CRIPT: variants seen among roughly 807,000 people sequenced by gnomAD.
CRIPT encodes the protein cysteine-rich PDZ-binding protein.
CRIPT carries 20 observed loss-of-function variants against 16.6 expected under a neutral mutation model. The observed-to-expected ratio is 1.20, with a 90% CI of 0.85 to 1.75. The LOEUF is 1.75. CRIPT is among the 40% of genes most tolerant of loss of function. The pLI, the probability that CRIPT is intolerant of heterozygous loss-of-function variation, is 0.00. For missense variants in CRIPT, 133 were observed against 115.3 expected (o/e 1.15, Z -0.70); for synonymous variants, 42 against 37.0 (o/e 1.14, Z -0.49).
In CRIPT at chr2:46,619,526, A is replaced by G. The variant is rs1001778339; in HGVS notation, c.83-101A>G. On this transcript the variant is annotated intron_variant, in intron 2 of 4. Coordinates refer to ENST00000238892, the MANE Select transcript of CRIPT (RefSeq NM_014171.6). The stretch of plus-strand genomic sequence containing the variant: ...TTAAATGAGGATTTAAAAATTAGAT[A>G]TAGACTACTATTTTGGTAGAAAGTC... The G allele has an allele frequency of 1.2e-5, 8 of 673,848 alleles. No individual in the cohort carries two copies. In the African/African-American group the frequency reaches 1.5e-4, roughly 13 times the overall value. 41.7% of individuals were successfully genotyped at this position (673,848 alleles called of 1,614,324 possible).
Position 46,624,796 on chromosome 2 carries a change from G to A in CRIPT, c.*569G>A, listed in dbSNP as rs1670894213. On this transcript the variant is annotated 3_prime_UTR_variant, in exon 5 of 5. Coordinates refer to ENST00000238892, the MANE Select transcript of CRIPT (RefSeq NM_014171.6). The stretch of plus-strand genomic sequence containing the variant: ...ATTTGTTCTTGCAGCCAAAGTGCCA[G>A]TTTCTTTAATATGTGACCAAGAACA... The A allele has an allele frequency of 6.6e-6, 1 of 152,164 alleles. No homozygotes were observed. The highest frequency in any genetic ancestry group is 2.4e-5 in the African/African-American group (1 of 41,438). The allele number at this position is 152,164 out of a possible 1,614,324, so 9.4% of individuals were successfully genotyped here.
chr2:46,619,569 A>G, intron 2 of CRIPT, 58 bp from the exon 3 acceptor site: 2 of 1,198,910 alleles, frequency 1.7e-6, no homozygotes, highest in South Asian at 2.9e-5. Flanking sequence ...GAACTTCTTA[A>G]TATTATATGT....
chr2:46,619,090 AT>A (rs1670742149), intron 2 of CRIPT, among the ~76,000 whole-genome samples: 1 of 152,170 alleles, frequency 6.6e-6, no homozygotes, highest in Non-Finnish European at 1.5e-5. Context: ...ACAGTATTTG[AT>A]TATCAGAGTA....
chr2:46,617,896 C>A (rs1326530464), intron 1 of CRIPT, among the ~76,000 whole-genome samples: 1 of 151,882 alleles, frequency 6.6e-6, no homozygotes, highest in Non-Finnish European at 1.5e-5. Context: ...ACACTAAGGC[C>A]CCAACTTATT....
chr2:46,623,721 C>G (rs771586131), intron 3 of CRIPT, 43 bp from the exon 4 acceptor site: 3 of 1,082,022 alleles, frequency 2.8e-6, no homozygotes, highest in Non-Finnish European at 1.4e-6. Context: ...AAGAGTGTTT[C>G]TAGTGTAATA....
chr2:46,617,382 T>G (rs1670687410), intron 1 of CRIPT, 84 bp downstream of exon 1: 1 of 1,455,294 alleles, frequency 6.9e-7, no homozygotes. Context: ...TTCTCGTTGT[T>G]TTTTCTTCGC....
rs1382954383 is a variant in CRIPT, at chr2:46,630,022, G to C, written c.*5795G>C. On this transcript the variant is annotated 3_prime_UTR_variant, in exon 5 of 5. Coordinates refer to ENST00000238892, the MANE Select transcript of CRIPT (RefSeq NM_014171.6). ...TCCCTTTATCATCAACTTCGAGTAA[G>C]TACTTTTTTCTGAGCCATTTGAATA... Among the ~76,000 whole-genome samples, 1 of 152,006 alleles carries C rather than the reference G, an allele frequency of 6.6e-6. No homozygotes were observed. The highest frequency in any genetic ancestry group is 1.5e-5 in the Non-Finnish European group (1 of 68,014).
Position 46,618,839 on chromosome 2 carries a change from G to A in CRIPT, c.82+1G>A. 1 of 1,580,702 alleles carries A rather than the reference G, an allele frequency of 6.3e-7. No homozygotes were observed. The highest frequency in any genetic ancestry group is 8.6e-7 in the Non-Finnish European group (1 of 1,156,898). Reference sequence around the variant, plus strand: ...AAAGATGGTGCTAGGAATACCACAGGTATTTCTTCTTTTAGAAAATAGGAA... The same window carrying A: ...AAAGATGGTGCTAGGAATACCACAGATATTTCTTCTTTTAGAAAATAGGAA... On this transcript the variant is annotated splice_donor_variant, in intron 2 of 4. Coordinates refer to ENST00000238892, the MANE Select transcript of CRIPT (RefSeq NM_014171.6). LOFTEE classifies it high-confidence loss of function.
At chr2:46,623,951 T>G (rs1012827054) in intron 4 of CRIPT, 84 bp downstream of exon 4, 3 of 951,538 alleles carry the variant, frequency 3.2e-6, no homozygotes, top group Non-Finnish European at 4.7e-6. Context: ...ATGTAGCCTG[T>G]CATAAATTCT....
Position 46,618,810 on chromosome 2 carries a change from A to G in CRIPT, c.54A>G (p.Thr18=), listed in dbSNP as rs1440840488. 2.5e-6 allele frequency: 4 copies of G among 1,607,498 alleles called. No homozygotes were observed. The highest frequency in any genetic ancestry group is 1.7e-6 in the Non-Finnish European group (2 of 1,176,018). Residue 18 remains threonine (T), a synonymous_variant, in exon 2 of 5, where the codon ACA becomes ACG. Coordinates refer to ENST00000238892, the MANE Select transcript of CRIPT (RefSeq NM_014171.6). Reference sequence around the variant, plus strand: ...TTGGTACTGTTATCACTCCAGATACATGGAAAGATGGTGCTAGGAATACCA... The same window carrying G: ...TTGGTACTGTTATCACTCCAGATACGTGGAAAGATGGTGCTAGGAATACCA... ...KKLGTVITPD[T]WKDGARNTTE...
Position 46,625,674 on chromosome 2 carries a change from GTTAT to G in CRIPT, c.*1453_*1456del, listed in dbSNP as rs1384147907. Reference sequence around the variant, plus strand: ...AAAATGTGTTTTTCTGAGATACATTGTTATTTATTCATATCCAGAAAAATTACAA... The same window carrying G: ...AAAATGTGTTTTTCTGAGATACATTGTTATTCATATCCAGAAAAATTACAA... On this transcript the variant is annotated 3_prime_UTR_variant, in exon 5 of 5. Coordinates refer to ENST00000238892, the MANE Select transcript of CRIPT (RefSeq NM_014171.6). 6.6e-6 allele frequency: 1 copy of G among 151,948 alleles called. No individual in the cohort carries two copies. The highest frequency in any genetic ancestry group is 1.9e-4 in the East Asian group (1 of 5,200). 9.4% of individuals were successfully genotyped at this position (151,948 alleles called of 1,614,324 possible).
chr2:46,618,718 A>G, intron 1 of CRIPT, 55 bp from the exon 2 acceptor site: 1 of 1,144,758 alleles, frequency 8.7e-7, no homozygotes, highest in Middle Eastern at 2.1e-4. Context: ...GCACAATGTA[A>G]TGCACTTATT....
rs1364001137 is a variant in CRIPT, at chr2:46,628,174, A to C, written c.*3947A>C. 6.7e-6 allele frequency among the ~76,000 whole-genome samples: 1 copy of C among 149,092 alleles called. No homozygotes were observed. The highest frequency in any genetic ancestry group is 2.5e-5 in the African/African-American group (1 of 39,996). On this transcript the variant is annotated 3_prime_UTR_variant, in exon 5 of 5. Transcript: ENST00000238892. ...TCCCAGGCTCTGAGTGCAGCTGTGC[A>C]ATCTCAGCTCACTGCAACCTCTGCC...
At position 46,627,456 on chromosome 2, in the gene CRIPT, T is replaced by TTC. The variant is rs1331042015; in HGVS notation, c.*3229_*3230insTC. 6.6e-6 allele frequency among the ~76,000 whole-genome samples: 1 copy of TTC among 151,490 alleles called. No homozygotes were observed. Among genetic ancestry groups the TTC allele is most frequent in the Non-Finnish European group, 1.5e-5 (1 of 67,838 alleles). On this transcript the variant is annotated 3_prime_UTR_variant, in exon 5 of 5. Transcript: ENST00000238892. ...ACATTTAAATCTTTTTTTTTTTTTT[T>TTC]CCCCAAAGACAGAGTCTCCTTCTGT...
Position 46,629,857 on chromosome 2 carries a change from C to G in CRIPT, c.*5630C>G, listed in dbSNP as rs1040159628. Among the ~76,000 whole-genome samples the G allele has an allele frequency of 4.6e-5, 7 of 152,202 alleles. No individual in the cohort carries two copies. The highest frequency in any genetic ancestry group is 1.7e-4 in the African/African-American group (7 of 41,454). ...TTGACAATTCTGTTCCTCATCAAAT[C>G]TACCCCTCCTAGGTTTAGCATCCTT... On this transcript the variant is annotated 3_prime_UTR_variant, in exon 5 of 5. Transcript: ENST00000238892.
rs945326670 is a variant in CRIPT at position 46,624,294 on chromosome 2, A to G, written c.*67A>G. On this transcript the variant is annotated 3_prime_UTR_variant, in exon 5 of 5. Coordinates refer to ENST00000238892, the MANE Select transcript of CRIPT (RefSeq NM_014171.6). The stretch of plus-strand genomic sequence containing the variant: ...TCTGCCTTGAATTTTCAAGGCATAG[A>G]TGTCAACTTACAGAATAACATGTTT... 23 of 984,788 alleles carry G rather than the reference A, an allele frequency of 2.3e-5. No individual in the cohort carries two copies. In the East Asian group the frequency reaches 4.3e-4, roughly 19 times the overall value. 61.0% of individuals were successfully genotyped at this position (984,788 alleles called of 1,614,324 possible).
chr2:46,617,966 C>A (rs1050105720), intron 1 of CRIPT, among the ~76,000 whole-genome samples: 2 of 151,102 alleles, frequency 1.3e-5, no homozygotes, highest in African/African-American at 4.9e-5. Flanking sequence ...ACAAAATACT[C>A]TTTGTGCCCA....
Position 46,626,269 on chromosome 2 carries a change from A to C in CRIPT, c.*2042A>C, listed in dbSNP as rs1253124894. 6.6e-6 allele frequency among the ~76,000 whole-genome samples: 1 copy of C among 152,094 alleles called. No homozygotes were observed. On this transcript the variant is annotated 3_prime_UTR_variant, in exon 5 of 5. Transcript: ENST00000238892. ...TGTTGCTGCAAAAGACATGATTTTC[A>C]TTCTTTTTTATGGCTGCATAGTATT...
Position 46,628,135 on chromosome 2 carries a change from A to T in CRIPT, c.*3908A>T. Among the ~76,000 whole-genome samples, 1 of 139,964 alleles carries T rather than the reference A, an allele frequency of 7.1e-6. No homozygotes were observed. Among genetic ancestry groups the T allele is most frequent in the Non-Finnish European group, 1.5e-5 (1 of 66,072 alleles). The allele number at this position is 139,964 out of a possible 152,430, so 91.8% of individuals were successfully genotyped here. Reference sequence around the variant, plus strand: ...TTCTTTTTTTTTTTTTTTGAGACGGAGTCTTGCTGTGTCTCCCAGGCTCTG... The same window carrying T: ...TTCTTTTTTTTTTTTTTTGAGACGGTGTCTTGCTGTGTCTCCCAGGCTCTG... On this transcript the variant is annotated 3_prime_UTR_variant, in exon 5 of 5. Transcript: ENST00000238892.
Sources: allele counts gnomAD v4.1 joint callset (sites outside exome capture counted in the v4.1 genomes callset), GRCh38; gene constraint gnomAD v4.1.1; transcripts MANE v1.5; gene names NCBI Gene and HGNC (gene_info 2026-07-23, HGNC 2026-07-21).